The following MBNL1 variants were observed in gnomAD, a reference collection of about 807,000 sequenced individuals.
MBNL1 encodes muscleblind-like protein 1.
In MBNL1, 8 loss-of-function variants were observed where a neutral mutation model predicts 42.2. The ratio of observed to expected loss-of-function variants is 0.19; its 90% CI spans 0.11 to 0.34. The LOEUF is 0.34. Ranked by LOEUF, MBNL1 falls within the 10% of genes least tolerant of loss-of-function variation. MBNL1 has a pLI of 1.00. For synonymous variants in MBNL1, 169 were observed against 173.9 expected (o/e 0.97, Z 0.22); for missense variants, 309 against 495.3 (o/e 0.62, Z 3.57).
chr3:152,456,441 C>G, intron 8 of MBNL1, 80 bp downstream of exon 8: 3 of 1,144,348 alleles, frequency 2.6e-6, no homozygotes, highest in Admixed American at 3.4e-5. Context: ...ACGTGGATTT[C>G]CCATTGAGGT....
At chr3:152,428,726 T>TG (rs143446323) in intron 3 of MBNL1, among the ~76,000 whole-genome samples, 10,838 of 152,100 alleles carry the variant, frequency 0.071, 511 homozygotes, top group Middle Eastern at 0.16. Flanking sequence ...TTCTGACGAG[T>TG]GAGGAGTGGC....
chr3:152,393,581 T>C (rs1488020805), intron 2 of MBNL1, among the ~76,000 whole-genome samples: 1 of 152,216 alleles, frequency 6.6e-6, no homozygotes, highest in African/African-American at 2.4e-5. Flanking sequence ...TATCCCAGCT[T>C]TATTTGTACC....
intron 2 of MBNL1, among the ~76,000 whole-genome samples, chr3:152,344,834 G>C (rs1478807830): frequency 6.6e-6 from 1 of 151,838 alleles, no homozygotes; most frequent in Non-Finnish European, 1.5e-5. Context: ...GGCTTCTTTT[G>C]CTGTTCTTTT....
At chr3:152,329,490 A>G (rs965381563) in intron 2 of MBNL1, among the ~76,000 whole-genome samples, 8 of 148,944 alleles carry the variant, frequency 5.4e-5, no homozygotes, top group African/African-American at 1.7e-4. Flanking sequence ...GGAAAAGAAA[A>G]GAAAAAAAAT....
intron 2 of MBNL1, among the ~76,000 whole-genome samples, chr3:152,252,466 GA>G (rs907639050): frequency 6.6e-6 from 1 of 151,608 alleles, no homozygotes; most frequent in Admixed American, 6.6e-5. Context: ...TTAACCTGTA[GA>G]GATTAAGTGC....
chr3:152,280,679 A>T (rs1402202976), intron 1 of MBNL1, among the ~76,000 whole-genome samples: 1 of 152,120 alleles, frequency 6.6e-6, no homozygotes, highest in Non-Finnish European at 1.5e-5. Flanking sequence ...TATGCACATG[A>T]TTCTCTTTTT....
chr3:152,341,054 C>A (rs943758979), intron 2 of MBNL1: 5 of 993,316 alleles, frequency 5.0e-6, no homozygotes. Flanking sequence ...GCATTTTATT[C>A]ATATATGAAA....
chr3:152,284,141 A>G (rs1219168452), intron 1 of MBNL1, among the ~76,000 whole-genome samples: 2 of 152,142 alleles, frequency 1.3e-5, no homozygotes, highest in African/African-American at 4.8e-5. Flanking sequence ...TGTATTATAT[A>G]TTGTTAATGA....
intron 2 of MBNL1, among the ~76,000 whole-genome samples, chr3:152,313,964 A>C (rs2068747410): frequency 6.6e-6 from 1 of 152,218 alleles, no homozygotes; most frequent in African/African-American, 2.4e-5. Context: ...ATCTGTTAGC[A>C]AATCTAAATT....
chr3:152,445,104 G>A (rs1253485549), intron 4 of MBNL1, among the ~76,000 whole-genome samples, 178 bp from the exon 5 acceptor site: 1 of 152,050 alleles, frequency 6.6e-6, no homozygotes, highest in Non-Finnish European at 1.5e-5. Flanking sequence ...TACTGAAATG[G>A]AGTTATAATT....
chr3:152,310,241 C>T (rs541549536), intron 2 of MBNL1, among the ~76,000 whole-genome samples: 1 of 152,304 alleles, frequency 6.6e-6, no homozygotes, highest in East Asian at 1.9e-4. Context: ...TGAGATAAAA[C>T]TGAGTCAGAT....
chr3:152,354,629 T>C (rs1212097003), intron 2 of MBNL1, among the ~76,000 whole-genome samples: 1 of 151,938 alleles, frequency 6.6e-6, no homozygotes, highest in Non-Finnish European at 1.5e-5. Context: ...ACCTTAATTT[T>C]ACAATTTTTA....
At chr3:152,456,452 C>T in intron 8 of MBNL1, 91 bp downstream of exon 8, 1 of 1,039,904 alleles carries the variant, frequency 9.6e-7, no homozygotes, top group Non-Finnish European at 1.5e-6. Flanking sequence ...CCATTGAGGT[C>T]AGTGGGAATC....
intron 3 of MBNL1, among the ~76,000 whole-genome samples, chr3:152,428,900 T>A (rs1580286648): frequency 6.6e-6 from 1 of 152,212 alleles, no homozygotes; most frequent in South Asian, 2.1e-4. Flanking sequence ...ATCTTTGTGA[T>A]CCTTTTTCCT....
At chr3:152,344,412 A>G (rs1435792561) in intron 2 of MBNL1, among the ~76,000 whole-genome samples, 1 of 152,154 alleles carries the variant, frequency 6.6e-6, no homozygotes, top group Non-Finnish European at 1.5e-5. Flanking sequence ...CCTAACAGGT[A>G]TTGCAGTGAT....
Position 152,399,895 on chromosome 3 carries a change from C to A in MBNL1, c.175-15046C>A, listed in dbSNP as rs371310366. ...ATTATAGTAAAATCATTTGTTGTAT[C>A]TGAAAACAAGCAGGAATGACAAAGT... On this transcript the variant is annotated intron_variant, in intron 2 of 9. Coordinates refer to ENST00000324210, the MANE Select transcript of MBNL1 (RefSeq NM_021038.5). Among the ~76,000 whole-genome samples the A allele has an allele frequency of 3.3e-5, 5 of 152,148 alleles. No individual in the cohort carries two copies. In the East Asian group the frequency reaches 9.6e-4, roughly 29 times the overall value.
intron 2 of MBNL1, among the ~76,000 whole-genome samples, chr3:152,382,307 A>G (rs1298492919): frequency 6.6e-6 from 1 of 152,084 alleles, no homozygotes; most frequent in African/African-American, 2.4e-5. Context: ...TCGTAATGTA[A>G]AATAATAAAT....
intron 2 of MBNL1, among the ~76,000 whole-genome samples, chr3:152,407,911 T>C (rs2098471896): frequency 6.6e-6 from 1 of 152,046 alleles, no homozygotes; most frequent in South Asian, 2.1e-4. Flanking sequence ...TTCCCACTTA[T>C]AAGTGGGAGC....
rs919740834 is a variant in MBNL1 at position 152,451,986 on chromosome 3, C to G, written c.962-3556C>G. Among the ~76,000 whole-genome samples, 12 of 152,208 alleles carry G rather than the reference C, an allele frequency of 7.9e-5. 1 individual carries two copies. Among genetic ancestry groups the G allele is most frequent in the Non-Finnish European group, 1.8e-4 (12 of 68,034 alleles). On this transcript the variant is annotated intron_variant, in intron 6 of 9. Coordinates refer to ENST00000324210, the MANE Select transcript of MBNL1 (RefSeq NM_021038.5). ...AGTCAGGCTGACTTGGTTAGTCTCT[C>G]AATATCTATTACACGAAGACCTTAA...
Sources: allele counts gnomAD v4.1 joint callset (sites outside exome capture counted in the v4.1 genomes callset), GRCh38; gene constraint gnomAD v4.1.1; transcripts MANE v1.5; gene names NCBI Gene and HGNC (gene_info 2026-07-23, HGNC 2026-07-21).